The following ANKRD28 variants were observed in gnomAD, a reference collection of about 807,000 sequenced individuals.
ANKRD28 encodes the protein serine/threonine-protein phosphatase 6 regulatory ankyrin repeat subunit A.
Under a neutral mutation model 126.5 loss-of-function variants are expected in ANKRD28, and 44 were observed. The observed-to-expected ratio is 0.35, with a 90% CI of 0.27 to 0.45. The LOEUF is 0.45. Ranked by LOEUF, ANKRD28 falls within the 20% of genes least tolerant of loss-of-function variation. ANKRD28 has a pLI of 1.00. For missense variants in ANKRD28, 1,110 were observed against 1,316.6 expected (o/e 0.84, Z 2.43); for synonymous variants, 442 against 468.5 (o/e 0.94, Z 0.73).
In ANKRD28 at chr3:15,839,849, C is replaced by T. The variant is rs902965061; in HGVS notation, c.27+19528G>A. ...TGAAAAAGCATTTGATAAAATTCAA[C>T]ATCCCTTCATAATAAAAACTCTCAC... On this transcript the variant is annotated intron_variant, in intron 1 of 27. Transcript: ENST00000399451. This position sits in a 1 kb window ranked among gnomAD's most constrained non-coding sequence, Gnocchi z 4.3. Among the ~76,000 whole-genome samples, 2 of 152,144 alleles carry T rather than the reference C, an allele frequency of 1.3e-5. No homozygotes were observed. The highest frequency in any genetic ancestry group is 2.9e-5 in the Non-Finnish European group (2 of 68,016).
intron 2 of ANKRD28, among the ~76,000 whole-genome samples, chr3:15,778,646 T>G (rs2059405138): frequency 6.6e-6 from 1 of 152,192 alleles, no homozygotes; most frequent in Admixed American, 6.5e-5. Context: ...TCTTTGTTCC[T>G]AACTCTAGAC....
At chr3:15,832,153 CAT>C (rs1465040097) in intron 1 of ANKRD28, among the ~76,000 whole-genome samples, 2 of 152,130 alleles carry the variant, frequency 1.3e-5, no homozygotes, top group South Asian at 2.1e-4. Flanking sequence ...ATTTCATAAA[CAT>C]ATAGACAAAT....
At chr3:15,715,694 C>G (rs559310502) in intron 8 of ANKRD28, among the ~76,000 whole-genome samples, 1 of 152,284 alleles carries the variant, frequency 6.6e-6, no homozygotes, top group South Asian at 2.1e-4. Flanking sequence ...AGTTGCCTAA[C>G]TTCTTTGTGC....
chr3:15,783,364 T>A (rs1267448836), intron 2 of ANKRD28, among the ~76,000 whole-genome samples: 3 of 152,044 alleles, frequency 2.0e-5, no homozygotes, highest in African/African-American at 7.2e-5. Flanking sequence ...TTTAAAAGAC[T>A]GATTATACGA....
intron 9 of ANKRD28, among the ~76,000 whole-genome samples, 170 bp downstream of exon 9, chr3:15,714,408 G>A (rs1055362250): frequency 4.0e-5 from 6 of 151,694 alleles, no homozygotes; most frequent in East Asian, 1.9e-4. Context: ...ATACAGCTAC[G>A]TGGTATTTTA....
Position 15,796,598 on chromosome 3 carries a change from T to C in ANKRD28, c.-77A>G. 1 of 1,188,546 alleles carries C rather than the reference T, an allele frequency of 8.4e-7. No homozygotes were observed. The highest frequency in any genetic ancestry group is 1.6e-5 in the South Asian group (1 of 63,948). 73.6% of individuals were successfully genotyped at this position (1,188,546 alleles called of 1,614,324 possible). ...GAAGAGCACAAGTAGTTTTTCCTCC[T>C]CTTCTGTACAACACTTACAAACATT... is the stretch of plus-strand genomic sequence containing the variant. On this transcript the variant is annotated 5_prime_UTR_variant, in exon 1 of 28. Transcript: ENST00000683139.
intron 2 of ANKRD28, among the ~76,000 whole-genome samples, chr3:15,775,590 G>C (rs552537796): frequency 1.3e-4 from 20 of 152,260 alleles, no homozygotes; most frequent in African/African-American, 4.8e-4. Flanking sequence ...CTCTTTCTCA[G>C]GTTTGATTAG....
At chr3:15,851,003 T>A (rs1248310967) in intron 1 of ANKRD28, among the ~76,000 whole-genome samples, 3 of 152,180 alleles carry the variant, frequency 2.0e-5, no homozygotes, top group African/African-American at 7.2e-5. Flanking sequence ...CTAGCTGGTG[T>A]ACACTGGAGA....
In ANKRD28 at chr3:15,678,356, T is replaced by C; in HGVS notation, c.2562-2A>G. ...AAGGCGGCTGCATGGAGAGGAGTTCTGTGATAAAGAAAAATTGAAATATAT... is the reference window on the plus strand; with the variant it reads ...AAGGCGGCTGCATGGAGAGGAGTTCCGTGATAAAGAAAAATTGAAATATAT... On this transcript the variant is annotated splice_acceptor_variant, in intron 23 of 27. Coordinates refer to ENST00000683139, the MANE Select transcript of ANKRD28 (RefSeq NM_001349278.2). LOFTEE classifies it high-confidence loss of function. 1 of 1,587,826 alleles carries C rather than the reference T, an allele frequency of 6.3e-7. No homozygotes were observed. Among genetic ancestry groups the C allele is most frequent in the Non-Finnish European group, 8.5e-7 (1 of 1,172,096 alleles).
At position 15,735,402 on chromosome 3, in the gene ANKRD28, G is replaced by C. The variant is rs202016048; in HGVS notation, c.640+8C>G. Reference sequence around the variant, plus strand: ...TAATATCAAAAACTAAATTTAAAAAGTACATACCCATATATGCTGCCCAAT... The same window carrying C: ...TAATATCAAAAACTAAATTTAAAAACTACATACCCATATATGCTGCCCAAT... On this transcript the variant is annotated splice_region_variant and intron_variant, in intron 6 of 27. Transcript: ENST00000683139. 3.2e-6 allele frequency: 5 copies of C among 1,540,770 alleles called. No homozygotes were observed. The highest frequency in any genetic ancestry group is 4.9e-5 in the East Asian group (2 of 40,894).
At chr3:15,798,132 T>C (rs983745013), upstream of ANKRD28, 1 of 985,242 alleles carries the variant, frequency 1.0e-6, no homozygotes, top group African/African-American at 1.7e-5. Flanking sequence ...CTTTTAACAT[T>C]TTCCACTAAA....
intron 1 of ANKRD28, among the ~76,000 whole-genome samples, chr3:15,813,019 T>G (rs1228238027): frequency 6.6e-6 from 1 of 151,562 alleles, no homozygotes; most frequent in African/African-American, 2.4e-5. Context: ...ATCTGCAGTT[T>G]CCAACATAAC....
intron 7 of ANKRD28, among the ~76,000 whole-genome samples, chr3:15,722,393 TG>T (rs2073825437): frequency 6.6e-6 from 1 of 152,218 alleles, no homozygotes; most frequent in African/African-American, 2.4e-5. Flanking sequence ...CCTGACTCCG[TG>T]AAGAGTGGAC....
chr3:15,789,558 G>A (rs2059933328), intron 2 of ANKRD28, among the ~76,000 whole-genome samples: 1 of 151,986 alleles, frequency 6.6e-6, no homozygotes, highest in Admixed American at 6.6e-5. Context: ...AAAGCCAAGA[G>A]TTTCACAGAG....
chr3:15,834,922 C>T (rs182403189), intron 1 of ANKRD28, among the ~76,000 whole-genome samples: 1 of 152,216 alleles, frequency 6.6e-6, no homozygotes, highest in East Asian at 1.9e-4. Context: ...CAGGGGTGGG[C>T]AAATCACTTG....
intron 4 of ANKRD28, among the ~76,000 whole-genome samples, chr3:15,741,227 T>C (rs2075447495): frequency 6.6e-6 from 1 of 151,244 alleles, no homozygotes. Flanking sequence ...ACAAAAAACG[T>C]GTCAGATCAC....
chr3:15,766,860 T>C (rs1366550364), intron 2 of ANKRD28, among the ~76,000 whole-genome samples: 2 of 152,188 alleles, frequency 1.3e-5, no homozygotes. Flanking sequence ...CTGATATATA[T>C]AGGAAAATTT....
At chr3:15,741,985 A>G (rs1401862184) in intron 4 of ANKRD28, among the ~76,000 whole-genome samples, 1 of 152,018 alleles carries the variant, frequency 6.6e-6, no homozygotes, top group Non-Finnish European at 1.5e-5. Flanking sequence ...GTGATCCGCC[A>G]GCCTCGGCCT....
rs1212490725 is a variant in ANKRD28 at position 15,856,020 on chromosome 3, T to C, written c.27+3357A>G. On this transcript the variant is annotated intron_variant, in intron 1 of 27. Coordinates refer to the ANKRD28 transcript ENST00000399451. ...TGTATTTAACGGGAATCTTATTTTGTAGTTTTGTTTTTTCATACTGATCTA... is the reference window on the plus strand; with the variant it reads ...TGTATTTAACGGGAATCTTATTTTGCAGTTTTGTTTTTTCATACTGATCTA... Among the ~76,000 whole-genome samples, 4 of 152,248 alleles carry C rather than the reference T, an allele frequency of 2.6e-5. No individual in the cohort carries two copies. The East Asian group carries it at 5.8e-4, about 22-fold the overall frequency.
Sources: gnomAD v4.1 joint callset for allele counts (sites outside exome capture counted in the v4.1 genomes callset) on GRCh38, gnomAD v4.1.1 for gene constraint, Gnocchi (gnomAD v3.1) non-coding constraint, MANE v1.5 for transcripts, NCBI Gene and HGNC (gene_info 2026-07-23, HGNC 2026-07-21) for gene names.